The following INO80 variants were observed in gnomAD, a reference collection of about 807,000 sequenced individuals.
INO80 encodes the protein chromatin-remodeling ATPase INO80.
INO80 carries 20 observed loss-of-function variants against 203.4 expected under a neutral mutation model. The observed-to-expected ratio is 0.10, with a 90% CI of 0.07 to 0.14. The LOEUF is 0.14. INO80 is among the 10% of genes least tolerant of loss of function. The pLI is 1.00. For missense variants in INO80, 1,419 were observed against 1,914.4 expected (o/e 0.74, Z 4.83); for synonymous variants, 726 against 685.2 (o/e 1.06, Z -0.93).
intron 1 of INO80, among the ~76,000 whole-genome samples, chr15:41,101,957 T>A (rs969259802): frequency 6.6e-6 from 1 of 151,230 alleles, no homozygotes; most frequent in Non-Finnish European, 1.5e-5. Context: ...TTTGGGAGGC[T>A]GAGACGAGCA....
intron 34 of INO80, 135 bp from the exon 35 acceptor site, chr15:40,983,212 C>T: frequency 1.6e-6 from 1 of 640,870 alleles, no homozygotes; most frequent in South Asian, 1.9e-5. Flanking sequence ...AGGTCTATGT[C>T]TCCACTTAAT....
At chr15:41,096,630 A>G (rs1042451992) in intron 1 of INO80, among the ~76,000 whole-genome samples, 3 of 152,218 alleles carry the variant, frequency 2.0e-5, no homozygotes, top group Admixed American at 6.5e-5. Flanking sequence ...CAGTATCTTA[A>G]AATGTATACC....
At chr15:41,072,421 T>C (rs1246782057) in intron 11 of INO80, among the ~76,000 whole-genome samples, 1 of 151,736 alleles carries the variant, frequency 6.6e-6, no homozygotes, top group Non-Finnish European at 1.5e-5. Flanking sequence ...CACTATATCA[T>C]ACATAACAAA....
intron 31 of INO80, among the ~76,000 whole-genome samples, chr15:40,986,773 C>T (rs982895414): frequency 2.6e-5 from 4 of 151,992 alleles, no homozygotes; most frequent in African/African-American, 9.7e-5. Flanking sequence ...TTACAGGTGC[C>T]CGCTACCATG....
intron 19 of INO80, among the ~76,000 whole-genome samples, chr15:41,050,860 G>A (rs1045786202): frequency 1.3e-5 from 2 of 152,096 alleles, no homozygotes; most frequent in Admixed American, 6.6e-5. Context: ...CAGGCCGGAC[G>A]CAGTGGCTCA....
At chr15:41,059,214 G>A (rs887047805) in intron 15 of INO80, among the ~76,000 whole-genome samples, 18 of 149,428 alleles carry the variant, frequency 1.2e-4, no homozygotes, top group South Asian at 2.2e-4. Flanking sequence ...CTCCTGCCTC[G>A]GCCTCCCAAA....
At chr15:41,054,763 C>A (rs1032416876) in intron 18 of INO80, among the ~76,000 whole-genome samples, 1 of 152,100 alleles carries the variant, frequency 6.6e-6, no homozygotes, top group Admixed American at 6.6e-5. Context: ...CTCAGCCTCC[C>A]GTGTAGCTGG....
At chr15:41,065,782 A>T (rs2140574664) in intron 14 of INO80, among the ~76,000 whole-genome samples, 1 of 152,326 alleles carries the variant, frequency 6.6e-6, no homozygotes, top group Non-Finnish European at 1.5e-5. Context: ...AGCCAGACAG[A>T]AACAGCATTC....
intron 7 of INO80, among the ~76,000 whole-genome samples, chr15:41,082,218 C>A (rs938824738): frequency 6.7e-6 from 1 of 148,990 alleles, no homozygotes; most frequent in Non-Finnish European, 1.5e-5. Context: ...CCACTGCACT[C>A]CAGCCTGGGT....
rs931001438 is a variant in INO80, at chr15:40,983,925, G to A, written c.4078-4C>T. 5 of 1,613,240 alleles carry A rather than the reference G, an allele frequency of 3.1e-6. No homozygotes were observed. In the African/African-American group the frequency reaches 4.0e-5, roughly 13 times the overall value. ...GCAGCTCACTGCTGATGGAGATCTAGAAGAGGAAGGGTTAAGATCATTACG... is the reference window on the plus strand; with the variant it reads ...GCAGCTCACTGCTGATGGAGATCTAAAAGAGGAAGGGTTAAGATCATTACG... On this transcript the variant is annotated splice_region_variant and splice_polypyrimidine_tract_variant and intron_variant, in intron 33 of 35. Coordinates refer to ENST00000648947, the MANE Select transcript of INO80 (RefSeq NM_017553.3).
At chr15:41,072,779 G>C (rs2045343549) in intron 11 of INO80, among the ~76,000 whole-genome samples, 1 of 149,360 alleles carries the variant, frequency 6.7e-6, no homozygotes, top group Admixed American at 6.7e-5. Context: ...CAAGAGTGTG[G>C]TCTTTTTCTT....
intron 15 of INO80, among the ~76,000 whole-genome samples, chr15:41,059,216 C>T: frequency 6.7e-6 from 1 of 150,168 alleles, no homozygotes; most frequent in Admixed American, 6.6e-5. Context: ...CCTGCCTCGG[C>T]CTCCCAAAAT....
chr15:41,091,996 CAGTT>C, intron 5 of INO80, 27 bp downstream of exon 5: 1 of 1,561,864 alleles, frequency 6.4e-7, no homozygotes, highest in Non-Finnish European at 8.8e-7. Flanking sequence ...GGTGAATATT[CAGTT>C]TGAAGTGTTT....
At chr15:41,007,182 CTTTTTTTTTTTTTTT>C (rs11330780) in intron 27 of INO80, among the ~76,000 whole-genome samples, 3 of 119,312 alleles carry the variant, frequency 2.5e-5, no homozygotes, top group East Asian at 2.4e-4. Flanking sequence ...TTTTTTTTTT[CTTTTTTTTTTTTTTT>C]TTTTTAGACA....
intron 24 of INO80, among the ~76,000 whole-genome samples, chr15:41,041,438 T>TA (rs972490139): frequency 1.3e-4 from 20 of 151,844 alleles, no homozygotes; most frequent in African/African-American, 4.8e-4. Context: ...GTTCTTTTTT[T>TA]TTTTTTTCTT....
At chr15:41,040,189 A>G (rs1199912238) in intron 24 of INO80, among the ~76,000 whole-genome samples, 10 of 152,210 alleles carry the variant, frequency 6.6e-5, no homozygotes, top group Admixed American at 5.9e-4. Context: ...CTACCAAAAA[A>G]AAAGGAAAGA....
intron 9 of INO80, among the ~76,000 whole-genome samples, chr15:41,079,061 T>A (rs1021865850): frequency 6.6e-6 from 1 of 152,040 alleles, no homozygotes; most frequent in Non-Finnish European, 1.5e-5. Flanking sequence ...ATTGCTTGAA[T>A]GTGGGAGGCA....
At position 41,082,655 on chromosome 15, in the gene INO80, G is replaced by C. The variant is rs1717197; in HGVS notation, c.874-1582C>G. On this transcript the variant is annotated intron_variant, in intron 7 of 35. Coordinates refer to ENST00000648947, the MANE Select transcript of INO80 (RefSeq NM_017553.3). ...GGAGGTGGAGGTTGCAGTGAGTCGA[G>C]ATCATGCCATTGTACTCCAACCTGG... is the stretch of plus-strand genomic sequence containing the variant. 1.0e-2 allele frequency among the ~76,000 whole-genome samples: 1,520 copies of C among 152,094 alleles called. 30 individuals are homozygous for C. The highest frequency in any genetic ancestry group is 0.036 in the African/African-American group (1,475 of 41,504).
intron 28 of INO80, among the ~76,000 whole-genome samples, chr15:41,003,581 C>T (rs992626403): frequency 6.6e-6 from 1 of 152,018 alleles, no homozygotes; most frequent in Admixed American, 6.6e-5. Flanking sequence ...CCGCCCACCT[C>T]GGCCTCCCAA....
Sources: gnomAD v4.1 joint callset for allele counts (sites outside exome capture counted in the v4.1 genomes callset) on GRCh38, gnomAD v4.1.1 for gene constraint, MANE v1.5 for transcripts, NCBI Gene and HGNC (gene_info 2026-07-23, HGNC 2026-07-21) for gene names.